Variants in MCF2L observed in about 807,000 individuals in gnomAD.
MCF2L encodes guanine nucleotide exchange factor DBS.
Under a neutral mutation model 153.4 loss-of-function variants are expected in MCF2L, and 97 were observed. The observed-to-expected ratio is 0.63, with a 90% CI of 0.54 to 0.75. The LOEUF (loss-of-function observed/expected upper bound fraction) is 0.75. MCF2L is among the 30% of genes least tolerant of loss of function. The probability of loss-of-function intolerance (pLI) is 0.00; values close to 1 mark genes in which losing one functional copy is unlikely to be tolerated. For synonymous variants in MCF2L, 659 were observed against 632.2 expected (o/e 1.04, Z -0.64); for missense variants, 1,347 against 1,495.2 (o/e 0.90, Z 1.64).
intron 1 of MCF2L, among the ~76,000 whole-genome samples, chr13:112,988,067 C>G (rs920430902): frequency 6.6e-6 from 1 of 152,224 alleles, no homozygotes; most frequent in African/African-American, 2.4e-5. Flanking sequence ...GGCGAGGAGG[C>G]CTCCTTCTGG....
chr13:113,007,512 T>C (rs1211869563), intron 1 of MCF2L, among the ~76,000 whole-genome samples: 1 of 152,210 alleles, frequency 6.6e-6, no homozygotes, highest in African/African-American at 2.4e-5. Flanking sequence ...GAAGATCAAA[T>C]TGCAATCCGT....
rs959896562 is a variant in MCF2L at position 113,027,847 on chromosome 13, C to T, written c.278+3089C>T. 1.3e-5 allele frequency among the ~76,000 whole-genome samples: 2 copies of T among 152,216 alleles called. No homozygotes were observed. The highest frequency in any genetic ancestry group is 2.1e-4 in the South Asian group (1 of 4,834). ...CGCCCGAAGGCTCAGACCACATGGC[C>T]GTACCCCGAGGACGTAGGCTCCAGG... On this transcript the variant is annotated intron_variant, in intron 3 of 29. Coordinates refer to ENST00000535094, the MANE Select transcript of MCF2L (RefSeq NM_001112732.3). This position sits in a 1 kb window ranked among gnomAD's most constrained non-coding sequence, Gnocchi z 4.8.
chr13:112,939,270 G>A (rs755247703), intron 2 of MCF2L, among the ~76,000 whole-genome samples: 2 of 152,270 alleles, frequency 1.3e-5, no homozygotes, highest in Admixed American at 1.3e-4. Flanking sequence ...CAGCCTCCAC[G>A]TCGTGGACAT....
At chr13:112,999,120 T>G (rs2083258691) in intron 1 of MCF2L, among the ~76,000 whole-genome samples, 1 of 152,202 alleles carries the variant, frequency 6.6e-6, no homozygotes, top group Non-Finnish European at 1.5e-5. Flanking sequence ...CACAGGGCCA[T>G]TGTGAGCCAG....
chr13:112,981,528 C>T (rs1434562655), intron 1 of MCF2L, among the ~76,000 whole-genome samples: 2 of 152,168 alleles, frequency 1.3e-5, no homozygotes, highest in African/African-American at 4.8e-5. Context: ...AAGTGTGCAC[C>T]GAGCCCTGGT....
At chr13:112,954,091 T>C (rs1327106409) in intron 2 of MCF2L, among the ~76,000 whole-genome samples, 1 of 152,174 alleles carries the variant, frequency 6.6e-6, no homozygotes, top group African/African-American at 2.4e-5. Context: ...GGTGAGGCCA[T>C]TGTGGAATGT....
chr13:112,894,854 C>T (rs1223204731), intron 1 of MCF2L, among the ~76,000 whole-genome samples: 1 of 152,076 alleles, frequency 6.6e-6, no homozygotes, highest in Non-Finnish European at 1.5e-5. Context: ...GATGGGGGGC[C>T]AGTGTCCAGG....
At chr13:113,039,695 A>C (rs1208454277) in intron 3 of MCF2L, among the ~76,000 whole-genome samples, 1 of 152,228 alleles carries the variant, frequency 6.6e-6, no homozygotes. Flanking sequence ...GCCACTAGAC[A>C]CAGAAGGCTT....
At chr13:112,902,391 G>A in intron 2 of MCF2L, 1 of 1,607,434 alleles carries the variant, frequency 6.2e-7, no homozygotes, top group Non-Finnish European at 8.5e-7. Flanking sequence ...TGGTGCTGCG[G>A]CCTCATTTGA....
chr13:113,059,874 A>G (rs1304547497), intron 4 of MCF2L, among the ~76,000 whole-genome samples: 1 of 152,248 alleles, frequency 6.6e-6, no homozygotes, highest in African/African-American at 2.4e-5. Context: ...TTATTTTTGT[A>G]GGTAACACAC....
chr13:113,028,217 T>A lies in MCF2L; in HGVS notation c.278+3459T>A. Among the ~76,000 whole-genome samples the A allele has an allele frequency of 6.6e-6, 1 of 152,158 alleles. No individual in the cohort carries two copies. Among genetic ancestry groups the A allele is most frequent in the East Asian group, 1.9e-4 (1 of 5,184 alleles). On this transcript the variant is annotated intron_variant, in intron 3 of 29. Coordinates refer to ENST00000535094, the MANE Select transcript of MCF2L (RefSeq NM_001112732.3). The surrounding 1 kb of genome is among the most constrained non-coding windows in gnomAD (Gnocchi z 5.4). Reference sequence around the variant, plus strand: ...AGCTACCCACATCCCTTTCTCAAGATTTTTCTAGAATCTGCGGAGTTCCTT... The same window carrying A: ...AGCTACCCACATCCCTTTCTCAAGAATTTTCTAGAATCTGCGGAGTTCCTT...
chr13:113,076,184 G>T (rs372685809), intron 12 of MCF2L, 27 bp downstream of exon 12: 3 of 1,586,732 alleles, frequency 1.9e-6, no homozygotes, highest in Non-Finnish European at 2.6e-6. Context: ...CTCTCCATTT[G>T]CAGCTTGCTG....
At chr13:113,037,259 AGCCCCTAGG>A (rs1428313579) in intron 3 of MCF2L, among the ~76,000 whole-genome samples, 2 of 152,168 alleles carry the variant, frequency 1.3e-5, no homozygotes, top group African/African-American at 4.8e-5. Context: ...CACCTTGCTG[AGCCCCTAGG>A]AGTAGAAGGT....
chr13:113,078,030 C>T (rs748805013), intron 13 of MCF2L, among the ~76,000 whole-genome samples: 7 of 152,234 alleles, frequency 4.6e-5, no homozygotes, highest in Admixed American at 2.0e-4. Context: ...GAGGCCCCAC[C>T]GTCCTCCCCC....
chr13:112,954,880 T>TG (rs929385077), intron 2 of MCF2L, among the ~76,000 whole-genome samples: 1 of 152,164 alleles, frequency 6.6e-6, no homozygotes, highest in Non-Finnish European at 1.5e-5. Context: ...GTCCAGCACC[T>TG]GGGGGGCCTG....
At chr13:112,992,463 C>T (rs938182894) in intron 1 of MCF2L, among the ~76,000 whole-genome samples, 5 of 152,224 alleles carry the variant, frequency 3.3e-5, no homozygotes, top group Non-Finnish European at 7.3e-5. Context: ...AAGCCGTGCT[C>T]CTGTGGGGAG....
chr13:112,932,548 G>A lies in MCF2L; in HGVS notation c.169+30177G>A, dbSNP rs893582725. On this transcript the variant is annotated intron_variant, in intron 2 of 29. Coordinates refer to the MCF2L transcript ENST00000375608. This position sits in a 1 kb window ranked among gnomAD's most constrained non-coding sequence, Gnocchi z 4.6. ...ATTAATTGCAACAAAGGCACCATAA[G>A]CTTAAGATATGAATATTGGAGGACA... Among the ~76,000 whole-genome samples the A allele has an allele frequency of 2.3e-4, 35 of 152,282 alleles. No individual in the cohort carries two copies. Among genetic ancestry groups the A allele is most frequent in the Admixed American group, 1.1e-3 (17 of 15,290 alleles).
At chr13:112,925,154 A>C (rs779945472) in intron 2 of MCF2L, among the ~76,000 whole-genome samples, 3 of 152,226 alleles carry the variant, frequency 2.0e-5, no homozygotes, top group Non-Finnish European at 4.4e-5. Context: ...TGTGGTTGGC[A>C]TCATGATTCA....
At chr13:112,895,069 G>A (rs2081053297) in intron 1 of MCF2L, among the ~76,000 whole-genome samples, 1 of 152,204 alleles carries the variant, frequency 6.6e-6, no homozygotes, top group African/African-American at 2.4e-5. Context: ...GCCGTGGAGC[G>A]CGGGCTGGGC....
Sources: allele counts gnomAD v4.1 joint callset (sites outside exome capture counted in the v4.1 genomes callset), GRCh38; gene constraint gnomAD v4.1.1; non-coding constraint Gnocchi (gnomAD v3.1); transcripts MANE v1.5; gene names NCBI Gene and HGNC (gene_info 2026-07-23, HGNC 2026-07-21).